The following FAAP20 variants were observed in gnomAD, a reference collection of about 807,000 sequenced individuals.
FAAP20 encodes Fanconi anemia core complex-associated protein 20.
In FAAP20, 12 loss-of-function variants were observed where a neutral mutation model predicts 16.2. That is an observed-to-expected ratio of 0.74 (90% confidence interval 0.48 to 1.20). FAAP20 has a LOEUF of 1.20. Ranked by LOEUF, FAAP20 falls within the 50% of genes most tolerant of loss-of-function variation. The pLI, the probability that FAAP20 is intolerant of heterozygous loss-of-function variation, is 0.00. For missense variants in FAAP20, 288 were observed against 245.8 expected (o/e 1.17, Z -1.15); for synonymous variants, 141 against 110.7 (o/e 1.27, Z -1.72).
At chr1:2,197,771 G>A (rs1281376853), upstream of FAAP20, among the ~76,000 whole-genome samples, 2 of 152,256 alleles carry the variant, frequency 1.3e-5, no homozygotes, top group South Asian at 4.1e-4. Context: ...CTGGGGAGGG[G>A]GCAGTGGGGC....
intron 3 of FAAP20, chr1:2,192,645 ACT>A (rs1012819082): frequency 8.4e-7 from 1 of 1,185,924 alleles, no homozygotes; most frequent in Admixed American, 3.6e-5. Flanking sequence ...TCAGGGTCTT[ACT>A]CTGTCACCCA....
chr1:2,185,465 G>C, downstream of FAAP20: 1 of 718,576 alleles, frequency 1.4e-6, no homozygotes, highest in South Asian at 1.5e-5. Context: ...CACGTAGGGG[G>C]GCAGCTTAGG....
chr1:2,200,507 G>T, upstream of FAAP20: 1 of 483,176 alleles, frequency 2.1e-6, no homozygotes, highest in Non-Finnish European at 2.7e-6. Context: ...GCCCGGGGCT[G>T]GAAGGGGCAG....
chr1:2,198,593 A>T, upstream of FAAP20: 1 of 1,037,472 alleles, frequency 9.6e-7, no homozygotes, highest in Non-Finnish European at 1.2e-6. Context: ...TGAGGCTGGC[A>T]GGCCTAAGCA....
chr1:2,207,061 C>A (rs1367935473), intron 1 of FAAP20, among the ~76,000 whole-genome samples: 1 of 152,262 alleles, frequency 6.6e-6, no homozygotes, highest in East Asian at 1.9e-4. Flanking sequence ...TGTGAAAAAA[C>A]ATTGATTGGG....
upstream of FAAP20, among the ~76,000 whole-genome samples, chr1:2,204,260 T>A (rs1195319061): frequency 6.6e-6 from 1 of 152,218 alleles, no homozygotes; most frequent in Admixed American, 6.5e-5. Context: ...TGCCCGGCTG[T>A]TGGTCCTGCC....
At chr1:2,188,431 G>C (rs1687802226), downstream of FAAP20, among the ~76,000 whole-genome samples, 1 of 152,176 alleles carries the variant, frequency 6.6e-6, no homozygotes, top group African/African-American at 2.4e-5. Flanking sequence ...AACGACCACA[G>C]ACCTGGGGCT....
At chr1:2,206,155 CA>C (rs1689251912) in intron 3 of FAAP20, 1 of 152,304 alleles carries the variant, frequency 6.6e-6, no homozygotes, top group South Asian at 2.1e-4. Flanking sequence ...TGTGGAAAGG[CA>C]GCAATGGTCG....
chr1:2,185,014 G>T, downstream of FAAP20: 1 of 1,609,506 alleles, frequency 6.2e-7, no homozygotes, highest in South Asian at 1.1e-5. Context: ...GTGTGAGGCC[G>T]CGTGCGTCTC....
upstream of FAAP20, chr1:2,203,841 T>C (rs776064603): frequency 7.3e-5 from 12 of 164,884 alleles, no homozygotes; most frequent in Admixed American, 1.3e-4. Context: ...ATGGGTCAAC[T>C]GAGGCCCGGG....
At chr1:2,184,722 C>G (rs767430551), downstream of FAAP20, 1 of 1,597,234 alleles carries the variant, frequency 6.3e-7, no homozygotes, top group East Asian at 2.3e-5. Context: ...GGTGCGGGTC[C>G]CTGGAGCACC....
intron 3 of FAAP20, among the ~76,000 whole-genome samples, chr1:2,206,023 C>G (rs927457680): frequency 1.3e-5 from 2 of 152,250 alleles, no homozygotes; most frequent in South Asian, 4.1e-4. Flanking sequence ...AGGGCCCAGG[C>G]AGGAGAGGGG....
chr1:2,192,885 C>G (rs1688395029), intron 3 of FAAP20: 1 of 1,300,786 alleles, frequency 7.7e-7, no homozygotes, highest in East Asian at 5.5e-5. Flanking sequence ...CAGGCGTGAG[C>G]CACCGTGCCC....
Position 2,192,815 on chromosome 1 carries a change from G to A in FAAP20, c.470+824C>T, listed in dbSNP as rs1285292089. The A allele has an allele frequency of 2.5e-6, 3 of 1,176,778 alleles. No individual in the cohort carries two copies. The East Asian group carries it at 1.7e-4, about 68-fold the overall frequency. The allele number at this position is 1,176,778 out of a possible 1,614,324, so 72.9% of individuals were successfully genotyped here. A position where few individuals can be genotyped will look rare whatever the true frequency, so the allele number is the denominator to read the frequency against. ...GGATCTTGCCATGTTGCCCAGGCTG[G>A]TCTCAAACTCCTGGGCTCCAGCAAC... On this transcript the variant is annotated intron_variant, in intron 3 of 3. Transcript: ENST00000378546.
downstream of FAAP20, among the ~76,000 whole-genome samples, chr1:2,189,029 C>A (rs865926602): frequency 0.014 from 1,378 of 97,030 alleles, 5 homozygotes; most frequent in African/African-American, 0.024. Context: ...AAAAAAAAAA[C>A]AAAAAGAACG....
chr1:2,204,435 A>G (rs551505019), upstream of FAAP20, among the ~76,000 whole-genome samples: 2 of 152,280 alleles, frequency 1.3e-5, no homozygotes, highest in Non-Finnish European at 2.9e-5. Flanking sequence ...TTCTCCACAT[A>G]ATGAGAGCCT....
intron 1 of FAAP20, 138 bp from the exon 2 acceptor site, chr1:2,194,271 C>A: frequency 1.1e-6 from 1 of 918,158 alleles, no homozygotes; most frequent in Non-Finnish European, 1.4e-6. Flanking sequence ...GGGAGGTGGC[C>A]GGCAGGGTTG....
chr1:2,193,020 C>T, intron 3 of FAAP20: 1 of 1,302,156 alleles, frequency 7.7e-7, no homozygotes, highest in Non-Finnish European at 1.0e-6. Flanking sequence ...ACCTGGTCTC[C>T]ATAAGCTCTG....
chr1:2,211,077 G>A (rs1196124337), downstream of FAAP20, among the ~76,000 whole-genome samples: 1 of 152,156 alleles, frequency 6.6e-6, no homozygotes, highest in Non-Finnish European at 1.5e-5. Flanking sequence ...CTCAGGGGCT[G>A]GATGCCCTTG....
Sources: allele counts gnomAD v4.1 joint callset (sites outside exome capture counted in the v4.1 genomes callset), GRCh38; gene constraint gnomAD v4.1.1; transcripts MANE v1.5; gene names NCBI Gene and HGNC (gene_info 2026-07-23, HGNC 2026-07-21).